CAMK4: variants seen among roughly 807,000 people sequenced by gnomAD.
CAMK4 encodes calcium/calmodulin dependent protein kinase IV.
CAMK4 carries 22 observed loss-of-function variants against 44.9 expected under a neutral mutation model. The ratio of observed to expected loss-of-function variants is 0.49; its 90% CI spans 0.35 to 0.70. The LOEUF (loss-of-function observed/expected upper bound fraction) is 0.70, where lower values mean the gene tolerates loss of function less well. Among genes scored for constraint, CAMK4 ranks in the 30% least tolerant of loss-of-function variants. The pLI is 0.01. For synonymous variants in CAMK4, 218 were observed against 215.4 expected (o/e 1.01, Z -0.11); for missense variants, 498 against 586.8 (o/e 0.85, Z 1.56).
At chr5:111,312,293 A>G (rs893375171) in intron 1 of CAMK4, among the ~76,000 whole-genome samples, 13 of 152,182 alleles carry the variant, frequency 8.5e-5, no homozygotes, top group African/African-American at 1.2e-4. Flanking sequence ...GTAGACTTTA[A>G]TACTAGAGAG....
At chr5:111,345,819 G>A (rs1030940071) in intron 2 of CAMK4, among the ~76,000 whole-genome samples, 13 of 151,900 alleles carry the variant, frequency 8.6e-5, no homozygotes, top group South Asian at 2.1e-4. Context: ...GCTCTGGTTC[G>A]TCCTTACTGT....
chr5:111,294,218 C>A (rs114351424), intron 1 of CAMK4, among the ~76,000 whole-genome samples: 3 of 152,112 alleles, frequency 2.0e-5, no homozygotes, highest in Non-Finnish European at 2.9e-5. Flanking sequence ...TAGCCCCATA[C>A]ATTAATAGGA....
At chr5:111,457,667 A>G (rs1287861823) in intron 7 of CAMK4, among the ~76,000 whole-genome samples, 1 of 152,264 alleles carries the variant, frequency 6.6e-6, no homozygotes, top group Non-Finnish European at 1.5e-5. Context: ...ATTTTCTCTA[A>G]CATGAACACA....
chr5:111,390,455 A>G (rs773367367), intron 4 of CAMK4, among the ~76,000 whole-genome samples: 5 of 152,164 alleles, frequency 3.3e-5, no homozygotes, highest in African/African-American at 4.8e-5. Context: ...AGCTACTTTG[A>G]GAACTTAAAA....
intron 2 of CAMK4, among the ~76,000 whole-genome samples, chr5:111,361,568 G>A (rs746742910): frequency 1.3e-5 from 2 of 151,964 alleles, no homozygotes; most frequent in Non-Finnish European, 2.9e-5. Context: ...AAGAAAGGAC[G>A]GAGTATATTA....
chr5:111,394,024 G>A (rs550659082), intron 4 of CAMK4, among the ~76,000 whole-genome samples: 3 of 151,856 alleles, frequency 2.0e-5, no homozygotes, highest in East Asian at 1.9e-4. Context: ...AGGGTTGGCG[G>A]GGGGAAGAGA....
At position 111,376,913 on chromosome 5, in the gene CAMK4, A is replaced by T; in HGVS notation, c.357A>T (p.Glu119Asp). Residue 119 changes from glutamate to aspartate, a missense_variant, in exon 4 of 11, where the codon GAA becomes GAT. Transcript: ENST00000282356. ...CTACAGAAATCAGTCTGGTCCTAGAACTCGTCACAGGAGGAGAACTGTTTG... is the reference window on the plus strand; with the variant it reads ...CTACAGAAATCAGTCTGGTCCTAGATCTCGTCACAGGAGGAGAACTGTTTG... ...ETPTEISLVL[E>D]LVTGGELFDR... is the part of the protein sequence containing the mutation. 4 of 1,607,706 alleles carry T rather than the reference A, an allele frequency of 2.5e-6. No individual in the cohort carries two copies. Among genetic ancestry groups the T allele is most frequent in the Non-Finnish European group, 3.4e-6 (4 of 1,175,798 alleles).
At chr5:111,460,536 A>C (rs1263689372) in intron 7 of CAMK4, among the ~76,000 whole-genome samples, 1 of 151,918 alleles carries the variant, frequency 6.6e-6, no homozygotes, top group African/African-American at 2.4e-5. Context: ...AATATTTTTC[A>C]CACTTAACAC....
Position 111,486,908 on chromosome 5 carries a change from T to G in CAMK4, c.*2442T>G, listed in dbSNP as rs1442701621. ...ATTTTGACTCATGTTAAAGATAAGA[T>G]TCTGATAATGACTATATAGTGACTA... On this transcript the variant is annotated 3_prime_UTR_variant, in exon 11 of 11. Coordinates refer to ENST00000282356, the MANE Select transcript of CAMK4 (RefSeq NM_001744.6). 5.3e-5 allele frequency: 8 copies of G among 152,188 alleles called. No individual in the cohort carries two copies. Among genetic ancestry groups the G allele is most frequent in the Admixed American group, 4.6e-4 (7 of 15,272 alleles). The allele number at this position is 152,188 out of a possible 1,614,324, so 9.4% of individuals were successfully genotyped here.
intron 5 of CAMK4, among the ~76,000 whole-genome samples, chr5:111,414,667 G>T (rs1167239638): frequency 6.6e-6 from 1 of 152,104 alleles, no homozygotes; most frequent in Non-Finnish European, 1.5e-5. Context: ...TGTAGAAGCA[G>T]TGAAAAATAT....
At chr5:111,479,966 G>A (rs1755375378) in intron 9 of CAMK4, among the ~76,000 whole-genome samples, 1 of 151,908 alleles carries the variant, frequency 6.6e-6, no homozygotes, top group African/African-American at 2.4e-5. Context: ...CCAGAGGGAT[G>A]GTCTTATAAA....
At chr5:111,400,093 A>G (rs756883511) in intron 5 of CAMK4, among the ~76,000 whole-genome samples, 5 of 151,596 alleles carry the variant, frequency 3.3e-5, no homozygotes, top group Non-Finnish European at 7.4e-5. Context: ...TAATTAACGT[A>G]TAGCTAATCC....
chr5:111,483,875 T>C, intron 10 of CAMK4, 151 bp from the exon 11 acceptor site: 1 of 492,450 alleles, frequency 2.0e-6, no homozygotes, highest in Non-Finnish European at 3.5e-6. Context: ...TTCTCCAAAT[T>C]TTCTTTTGGC....
chr5:111,349,524 GA>G (rs1230597883), intron 2 of CAMK4, among the ~76,000 whole-genome samples: 3 of 151,644 alleles, frequency 2.0e-5, no homozygotes, highest in African/African-American at 7.3e-5. Context: ...TATATCAAAG[GA>G]AAAAAATAAA....
At chr5:111,468,022 C>A (rs1161109267) in intron 7 of CAMK4, among the ~76,000 whole-genome samples, 1 of 151,170 alleles carries the variant, frequency 6.6e-6, no homozygotes, top group Non-Finnish European at 1.5e-5. Flanking sequence ...ACATTTGCAG[C>A]AACCTGGATG....
intron 1 of CAMK4, among the ~76,000 whole-genome samples, chr5:111,284,460 T>G (rs906344796): frequency 6.6e-6 from 1 of 152,204 alleles, no homozygotes; most frequent in Admixed American, 6.5e-5. Context: ...TCACTTCATA[T>G]TTGGATTCTG....
intron 2 of CAMK4, among the ~76,000 whole-genome samples, chr5:111,346,822 A>AAAACAAACAAACAAAC (rs140958825): frequency 0.028 from 3,263 of 116,642 alleles, 121 homozygotes; most frequent in African/African-American, 0.087. Flanking sequence ...CCCAGTGTGC[A>AAAACAAACAAACAAAC]AAACAAACAA....
At chr5:111,239,688 G>T (rs1043282592) in intron 1 of CAMK4, among the ~76,000 whole-genome samples, 4 of 152,140 alleles carry the variant, frequency 2.6e-5, no homozygotes, top group African/African-American at 9.7e-5. Flanking sequence ...ATTAAATGAG[G>T]TCAGTGCATT....
chr5:111,402,837 T>C (rs1752280981), intron 5 of CAMK4, among the ~76,000 whole-genome samples: 1 of 152,198 alleles, frequency 6.6e-6, no homozygotes, highest in East Asian at 1.9e-4. Context: ...CTTGTAATTA[T>C]GAAGAGAAAC....
Sources: gnomAD v4.1 joint callset for allele counts (sites outside exome capture counted in the v4.1 genomes callset) on GRCh38, gnomAD v4.1.1 for gene constraint, MANE v1.5 for transcripts, NCBI Gene and HGNC (gene_info 2026-07-23, HGNC 2026-07-21) for gene names.